TAF3: variants seen among roughly 807,000 people sequenced by gnomAD.
TAF3 encodes the protein TATA-box binding protein associated factor 3.
TAF3 carries 7 observed loss-of-function variants against 80.6 expected under a neutral mutation model. That is an observed-to-expected ratio of 0.09 (90% CI 0.05 to 0.16). The LOEUF is 0.16. Among genes scored for constraint, TAF3 ranks in the 10% least tolerant of loss-of-function variants. The pLI, the probability that TAF3 is intolerant of heterozygous loss-of-function variation, is 1.00. For synonymous variants in TAF3, 444 were observed against 446.1 expected, an observed-to-expected ratio of 1.00 and a Z score of 0.06; for missense variants, 921 against 1,140.2, an observed-to-expected ratio of 0.81 and a Z score of 2.77.
chr10:7,843,487 A>G (rs1243628338), intron 2 of TAF3, among the ~76,000 whole-genome samples: 1 of 152,130 alleles, frequency 6.6e-6, no homozygotes, highest in Non-Finnish European at 1.5e-5. Context: ...CTACAGGTTT[A>G]AGTAACTTTT....
intron 2 of TAF3, among the ~76,000 whole-genome samples, chr10:7,833,280 A>G (rs1420123259): frequency 6.6e-6 from 1 of 152,224 alleles, no homozygotes; most frequent in Non-Finnish European, 1.5e-5. Context: ...AGGAAACTCC[A>G]CATAGTTTTC....
At chr10:7,918,754 T>G (rs1292039314) in intron 2 of TAF3, among the ~76,000 whole-genome samples, 1 of 152,142 alleles carries the variant, frequency 6.6e-6, no homozygotes, top group East Asian at 1.9e-4. Context: ...ATCTGTTACC[T>G]GGGAACATTT....
intron 2 of TAF3, among the ~76,000 whole-genome samples, chr10:7,940,384 TC>T (rs1442223241): frequency 2.6e-5 from 4 of 152,326 alleles, no homozygotes; most frequent in Admixed American, 6.5e-5. Flanking sequence ...ATAATAACTA[TC>T]TGATGAATAT....
At chr10:7,917,272 G>A (rs1304662140) in intron 2 of TAF3, among the ~76,000 whole-genome samples, 1 of 152,254 alleles carries the variant, frequency 6.6e-6, no homozygotes, top group Admixed American at 6.5e-5. Flanking sequence ...AGGAGTTGCA[G>A]TTGGTGGAGC....
intron 2 of TAF3, among the ~76,000 whole-genome samples, chr10:7,894,482 T>G (rs1368611287): frequency 6.6e-6 from 1 of 152,242 alleles, no homozygotes; most frequent in Non-Finnish European, 1.5e-5. Context: ...GTGTGATGCG[T>G]CAGTGACCTG....
At chr10:7,905,050 A>G (rs1416339891) in intron 2 of TAF3, among the ~76,000 whole-genome samples, 4 of 152,302 alleles carry the variant, frequency 2.6e-5, no homozygotes, top group South Asian at 4.1e-4. Context: ...TGGAAAAACC[A>G]AAGATAGACT....
intron 2 of TAF3, among the ~76,000 whole-genome samples, chr10:7,849,108 A>G (rs1323163399): frequency 6.6e-6 from 1 of 152,202 alleles, no homozygotes; most frequent in Non-Finnish European, 1.5e-5. Context: ...TTCCTTAGGT[A>G]CCAAGTGCTT....
intron 2 of TAF3, among the ~76,000 whole-genome samples, chr10:7,877,480 A>G (rs190544848): frequency 2.0e-5 from 3 of 152,358 alleles, no homozygotes; most frequent in East Asian, 3.9e-4. Context: ...TAAGACACAT[A>G]GAAAAAATTG....
intron 4 of TAF3, among the ~76,000 whole-genome samples, chr10:7,999,708 T>C (rs6602281): frequency 0.16 from 24,979 of 152,144 alleles, 2,850 homozygotes; most frequent in African/African-American, 0.32. Context: ...CCTCCTGCCT[T>C]GGCCTGCCAA....
At chr10:7,930,425 G>C (rs909536449) in intron 2 of TAF3, among the ~76,000 whole-genome samples, 1 of 152,170 alleles carries the variant, frequency 6.6e-6, no homozygotes, top group African/African-American at 2.4e-5. Flanking sequence ...CCTATTTCTA[G>C]AGTAGGGAGT....
rs767360714 is a variant in TAF3, at chr10:7,965,543, T to C, written c.2033T>C (p.Leu678Pro). Residue 678 changes from leucine to proline, a missense_variant, in exon 3 of 7, where the codon CTG becomes CCG. Around this residue, in one of 6 missense-constraint regions of TAF3, gnomAD observed 743 missense variants for 821.0 expected, o/e 0.90. Transcript: ENST00000344293. ...PATASRVPAMLPSLLPVLPEK... is the reference protein window; with the variant it reads ...PATASRVPAMPPSLLPVLPEK... ...ACAGCCTCCAGGGTCCCAGCCATGC[T>C]GCCATCTTTGTTGCCAGTGCTTCCG... is the stretch of plus-strand genomic sequence containing the variant. The C allele has an allele frequency of 1.2e-5, 20 of 1,601,610 alleles. No individual in the cohort carries two copies. The highest frequency in any genetic ancestry group is 1.7e-5 in the Non-Finnish European group (20 of 1,177,172).
intron 2 of TAF3, among the ~76,000 whole-genome samples, chr10:7,832,028 C>CAT (rs1836806356): frequency 6.6e-6 from 1 of 151,990 alleles, no homozygotes; most frequent in Non-Finnish European, 1.5e-5. Flanking sequence ...AAATGCCTAT[C>CAT]GTTTTTTGTG....
chr10:7,934,764 A>C (rs1264958814), intron 2 of TAF3, among the ~76,000 whole-genome samples: 1 of 152,084 alleles, frequency 6.6e-6, no homozygotes, highest in Non-Finnish European at 1.5e-5. Context: ...TTAATATTTA[A>C]AAGTACTATG....
intron 2 of TAF3, among the ~76,000 whole-genome samples, chr10:7,935,189 A>C (rs1300132136): frequency 1.3e-5 from 2 of 152,132 alleles, no homozygotes; most frequent in South Asian, 4.1e-4. Flanking sequence ...AGACATGAGA[A>C]TCGCTTGAAC....
intron 2 of TAF3, among the ~76,000 whole-genome samples, chr10:7,939,609 C>T (rs1205142363): frequency 6.7e-6 from 1 of 150,332 alleles, no homozygotes; most frequent in African/African-American, 2.5e-5. Flanking sequence ...CACACACACA[C>T]ACACACACAC....
At chr10:7,981,294 C>T (rs189738977) in intron 4 of TAF3, among the ~76,000 whole-genome samples, 1 of 152,172 alleles carries the variant, frequency 6.6e-6, no homozygotes, top group African/African-American at 2.4e-5. Context: ...TGCCCTCGGG[C>T]AGTGGGTCCC....
intron 4 of TAF3, among the ~76,000 whole-genome samples, chr10:7,980,869 T>C (rs1295331984): frequency 6.6e-6 from 1 of 152,208 alleles, no homozygotes; most frequent in Non-Finnish European, 1.5e-5. Flanking sequence ...TTATTTGTCC[T>C]CCCCATCTTA....
At chr10:7,842,175 TG>T (rs57236670) in intron 2 of TAF3, among the ~76,000 whole-genome samples, 6,709 of 92,120 alleles carry the variant, frequency 0.073, 344 homozygotes, top group East Asian at 0.086. Context: ...TTTTTTTTTT[TG>T]TTTTTTTTTT....
At chr10:7,839,705 T>C (rs547736511) in intron 2 of TAF3, among the ~76,000 whole-genome samples, 2 of 152,346 alleles carry the variant, frequency 1.3e-5, no homozygotes, top group African/African-American at 2.4e-5. Flanking sequence ...TTTTTTTTAA[T>C]TGTGTTTTGT....
Sources: allele counts gnomAD v4.1 joint callset (sites outside exome capture counted in the v4.1 genomes callset), GRCh38; gene constraint gnomAD v4.1.1; regional missense constraint gnomAD v4.1.1; transcripts MANE v1.5; gene names NCBI Gene and HGNC (gene_info 2026-07-23, HGNC 2026-07-21).